Variants in NFIX observed in about 807,000 individuals in gnomAD.
NFIX encodes nuclear factor 1 X-type.
Under a neutral mutation model 53.3 loss-of-function variants are expected in NFIX, and 2 were observed. The observed-to-expected ratio is 0.04, with a 90% CI of 0.02 to 0.12. The LOEUF (loss-of-function observed/expected upper bound fraction) is 0.12. Among genes scored for constraint, NFIX ranks in the 10% least tolerant of loss-of-function variants. The pLI is 1.00. For missense variants in NFIX, 310 were observed against 674.5 expected, an observed-to-expected ratio of 0.46 and a Z score of 5.99; for synonymous variants, 244 against 289.0, an observed-to-expected ratio of 0.84 and a Z score of 1.58.
rs1171366050 is a variant in NFIX, at chr19:13,009,299, C to T, written c.27+13435C>T. ...AGCTACCGACTCCAGAGCAATTATG[C>T]CTGGGCAGCGGGTGGGTGGGGGGAA... On this transcript the variant is annotated intron_variant, in intron 1 of 10. Coordinates refer to ENST00000592199, the MANE Select transcript of NFIX (RefSeq NM_001365902.3). The surrounding 1 kb of genome is among the most constrained non-coding windows in gnomAD (Gnocchi z 4.7). 6.6e-6 allele frequency among the ~76,000 whole-genome samples: 1 copy of T among 152,164 alleles called. No homozygotes were observed. The highest frequency in any genetic ancestry group is 1.5e-5 in the Non-Finnish European group (1 of 68,026).
In NFIX at chr19:13,005,746, C is replaced by T. The variant is rs2011979747; in HGVS notation, c.27+9882C>T. The stretch of plus-strand genomic sequence containing the variant: ...AATTTCAAAATGGGTCTGCACACCC[C>T]CACGCCCCCATTTGAAACGTGCCCT... On this transcript the variant is annotated intron_variant, in intron 1 of 10. Transcript: ENST00000592199. The surrounding 1 kb of genome is among the most constrained non-coding windows in gnomAD (Gnocchi z 4.7). Among the ~76,000 whole-genome samples the T allele has an allele frequency of 6.6e-6, 1 of 152,190 alleles. No homozygotes were observed. The highest frequency in any genetic ancestry group is 1.5e-5 in the Non-Finnish European group (1 of 68,028).
At chr19:13,058,918 C>G (rs928335952) in intron 2 of NFIX, among the ~76,000 whole-genome samples, 20 of 152,024 alleles carry the variant, frequency 1.3e-4, no homozygotes, top group African/African-American at 4.8e-4. Context: ...GAACCCTGGT[C>G]TGGAGTTGGT....
chr19:13,095,171 GACTCCGCCCTTCCCTCCCTCC>G lies in NFIX; in HGVS notation c.*523_*543del, dbSNP rs1016793317. The stretch of plus-strand genomic sequence containing the variant: ...TAGATCCCTCAGGCTCTCCCCTCCA[GACTCCGCCCTTCCCTCCCTCC>G]CTCCCTCCCTCCCTCTCTGCCAAGG... On this transcript the variant is annotated 3_prime_UTR_variant, in exon 11 of 11. Coordinates refer to ENST00000592199, the MANE Select transcript of NFIX (RefSeq NM_001365902.3). 4 of 151,642 alleles carry G rather than the reference GACTCCGCCCTTCCCTCCCTCC, an allele frequency of 2.6e-5. No individual in the cohort carries two copies. Among genetic ancestry groups the G allele is most frequent in the African/African-American group, 9.7e-5 (4 of 41,150 alleles). 9.4% of individuals were successfully genotyped at this position (151,642 alleles called of 1,614,324 possible). A position where few individuals can be genotyped will look rare whatever the true frequency, so the allele number is the denominator to read the frequency against.
chr19:13,035,611 T>A (rs181380317), intron 2 of NFIX, among the ~76,000 whole-genome samples: 5 of 152,128 alleles, frequency 3.3e-5, no homozygotes, highest in Admixed American at 2.0e-4. Flanking sequence ...TTTTTTTTTT[T>A]ATTATAGTAG....
At chr19:13,029,192 C>T (rs2013605557) in intron 2 of NFIX, among the ~76,000 whole-genome samples, 1 of 152,184 alleles carries the variant, frequency 6.6e-6, no homozygotes, top group African/African-American at 2.4e-5. Context: ...CCCAACTGCC[C>T]ACCCATGCTG....
rs891969579 is a variant in NFIX at position 13,012,802 on chromosome 19, C to G, written c.28-12219C>G. The stretch of plus-strand genomic sequence containing the variant: ...TTGGGGGCGTCCCTTCGGAGAGGAT[C>G]TCTCCGCGTCGCATAGTGAGCGTCG... On this transcript the variant is annotated intron_variant, in intron 1 of 10. Transcript: ENST00000592199. The surrounding 1 kb of genome is among the most constrained non-coding windows in gnomAD (Gnocchi z 5.0). Among the ~76,000 whole-genome samples the G allele has an allele frequency of 1.3e-5, 2 of 152,188 alleles. No individual in the cohort carries two copies. The highest frequency in any genetic ancestry group is 4.8e-5 in the African/African-American group (2 of 41,440).
Position 13,094,577 on chromosome 19 carries a change from G to A in NFIX, c.1495-58G>A. On this transcript the variant is annotated intron_variant, in intron 10 of 10. Transcript: ENST00000592199. This position sits in a 1 kb window ranked among gnomAD's most constrained non-coding sequence, Gnocchi z 4.3. ...GGCCAGGTCACTGGGCCAGGTAGGA[G>A]TGAGATGGGACCTGCCCCAGCTGTT... 2 of 1,527,872 alleles carry A rather than the reference G, an allele frequency of 1.3e-6. No individual in the cohort carries two copies. Among genetic ancestry groups the A allele is most frequent in the Non-Finnish European group, 1.8e-6 (2 of 1,140,022 alleles). The allele number at this position is 1,527,872 out of a possible 1,614,324, so 94.6% of individuals were successfully genotyped here.
chr19:13,023,643 TTTA>T (rs2013093066), intron 1 of NFIX, among the ~76,000 whole-genome samples: 2 of 149,126 alleles, frequency 1.3e-5, no homozygotes, highest in Non-Finnish European at 3.0e-5. Context: ...TTTTTTTTTT[TTTA>T]AACTGGAAGA....
rs2016848971 is a variant in NFIX at position 13,072,883 on chromosome 19, C to A, written c.560-164C>A. The stretch of plus-strand genomic sequence containing the variant: ...GTCTTTCCTTCTCTGCTTTGGGTCT[C>A]CCGGAGCCTCCTGGGGCTGGTTTGG... On this transcript the variant is annotated intron_variant, in intron 2 of 10. Coordinates refer to ENST00000592199, the MANE Select transcript of NFIX (RefSeq NM_001365902.3). The surrounding 1 kb of genome is among the most constrained non-coding windows in gnomAD (Gnocchi z 4.0). Among the ~76,000 whole-genome samples, 1 of 152,182 alleles carries A rather than the reference C, an allele frequency of 6.6e-6. No individual in the cohort carries two copies. Among genetic ancestry groups the A allele is most frequent in the Non-Finnish European group, 1.5e-5 (1 of 68,022 alleles).
chr19:13,091,369 T>G (rs933445990), intron 10 of NFIX, among the ~76,000 whole-genome samples: 4 of 132,210 alleles, frequency 3.0e-5, no homozygotes, highest in Non-Finnish European at 5.0e-5. Flanking sequence ...TTTGAGATTG[T>G]TTTTTTTTTT....
At position 13,090,661 on chromosome 19, in the gene NFIX, C is replaced by T. The variant is rs1485863960; in HGVS notation, c.1494+271C>T. 6.6e-6 allele frequency among the ~76,000 whole-genome samples: 1 copy of T among 152,222 alleles called. No individual in the cohort carries two copies. Among genetic ancestry groups the T allele is most frequent in the Non-Finnish European group, 1.5e-5 (1 of 68,042 alleles). On this transcript the variant is annotated intron_variant, in intron 10 of 10. Transcript: ENST00000592199. This position sits in a 1 kb window ranked among gnomAD's most constrained non-coding sequence, Gnocchi z 6.6. ...CGGCCAAGGACCCAAGTCTAGAGGC[C>T]CTCTGGGCCAGGCCTGGTAGAAGCA... is the stretch of plus-strand genomic sequence containing the variant.
At chr19:13,092,734 G>A (rs1251302002) in intron 10 of NFIX, among the ~76,000 whole-genome samples, 2 of 152,230 alleles carry the variant, frequency 1.3e-5, no homozygotes, top group African/African-American at 2.4e-5. Flanking sequence ...TGGCAGGTGG[G>A]GGTCACCCAG....
Position 13,059,074 on chromosome 19 carries a change from G to A in NFIX, c.560-13973G>A, listed in dbSNP as rs115760953. ...CATCCACATGCACGTGCACACAAGC[G>A]CATAGATCCCGGGATTCGTGCACAT... On this transcript the variant is annotated intron_variant, in intron 2 of 10. Coordinates refer to ENST00000592199, the MANE Select transcript of NFIX (RefSeq NM_001365902.3). 3.4e-3 allele frequency among the ~76,000 whole-genome samples: 523 copies of A among 152,256 alleles called. 6 individuals carry two copies. Among genetic ancestry groups the A allele is most frequent in the African/African-American group, 0.012 (508 of 41,530 alleles).
chr19:13,090,686 A>G lies in NFIX; in HGVS notation c.1494+296A>G, dbSNP rs896352238. On this transcript the variant is annotated intron_variant, in intron 10 of 10. Coordinates refer to ENST00000592199, the MANE Select transcript of NFIX (RefSeq NM_001365902.3). The surrounding 1 kb of genome is among the most constrained non-coding windows in gnomAD (Gnocchi z 6.6). Reference sequence around the variant, plus strand: ...CCTCTGGGCCAGGCCTGGTAGAAGCAAAGATGGAAGCCTGAGGCCCATCGG... The same window carrying G: ...CCTCTGGGCCAGGCCTGGTAGAAGCGAAGATGGAAGCCTGAGGCCCATCGG... 6.6e-6 allele frequency among the ~76,000 whole-genome samples: 1 copy of G among 152,242 alleles called. No homozygotes were observed. The highest frequency in any genetic ancestry group is 2.4e-5 in the African/African-American group (1 of 41,462).
chr19:13,061,477 TCTGGGCCGGTCG>T (rs1470711260), intron 2 of NFIX, among the ~76,000 whole-genome samples: 1 of 152,168 alleles, frequency 6.6e-6, no homozygotes, highest in Non-Finnish European at 1.5e-5. Flanking sequence ...CCCCTGGAGC[TCTGGGCCGGTCG>T]CTGGCCGCGC....
In NFIX at chr19:13,081,690, G is replaced by C. The variant is rs777225117; in HGVS notation, c.1089G>C (p.Arg363=). ...CCCACGTGCATGCAGGGAGCCCCCG[G>C]GCCACAGCATCAGCCCTGCACTTCC... The part of the protein sequence containing the change: ...VLAGVRPGSP[R]ATASALHFPS... Residue 363 remains arginine, a synonymous_variant, in exon 8 of 11, where the codon CGG becomes CGC. Transcript: ENST00000592199. The surrounding 1 kb of genome is among the most constrained non-coding windows in gnomAD (Gnocchi z 4.7). 1 of 1,613,076 alleles carries C rather than the reference G, an allele frequency of 6.2e-7. No homozygotes were observed. Among genetic ancestry groups the C allele is most frequent in the Non-Finnish European group, 8.5e-7 (1 of 1,179,294 alleles).
chr19:13,003,104 G>T (rs556380437), intron 1 of NFIX, among the ~76,000 whole-genome samples: 13 of 152,152 alleles, frequency 8.5e-5, no homozygotes, highest in Non-Finnish European at 4.4e-5. Flanking sequence ...GGGGAGTTGG[G>T]GGGGGGTTTA....
At chr19:13,079,316 A>G (rs2017313775) in intron 7 of NFIX, among the ~76,000 whole-genome samples, 1 of 152,194 alleles carries the variant, frequency 6.6e-6, no homozygotes, top group East Asian at 1.9e-4. Flanking sequence ...TCCCCAGGAA[A>G]AGGAACTGCC....
At chr19:13,038,060 G>C (rs1402494778) in intron 2 of NFIX, among the ~76,000 whole-genome samples, 1 of 152,098 alleles carries the variant, frequency 6.6e-6, no homozygotes, top group African/African-American at 2.4e-5. Context: ...GCTTTGATTG[G>C]TTGTGTTTAG....
Sources: allele counts gnomAD v4.1 joint callset (sites outside exome capture counted in the v4.1 genomes callset), GRCh38; gene constraint gnomAD v4.1.1; non-coding constraint Gnocchi (gnomAD v3.1); transcripts MANE v1.5; gene names NCBI Gene and HGNC (gene_info 2026-07-23, HGNC 2026-07-21).